The following CREB5 variants were observed in gnomAD, a reference collection of about 807,000 sequenced individuals.
CREB5 encodes cAMP responsive element binding protein 5, also known as cyclic AMP-responsive element-binding protein 5.
A neutral mutation model predicts 57.1 loss-of-function variants in CREB5; 19 were observed. The ratio of observed to expected loss-of-function variants is 0.33; its 90% CI spans 0.23 to 0.49. CREB5 has a LOEUF of 0.49. CREB5 is among the 20% of genes least tolerant of loss of function. The probability of loss-of-function intolerance (pLI) is 0.99; values close to 1 mark genes in which losing one functional copy is unlikely to be tolerated. For synonymous variants in CREB5, 238 were observed against 238.3 expected, an observed-to-expected ratio of 1.00 and a Z score of 0.01; for missense variants, 579 against 671.6, an observed-to-expected ratio of 0.86 and a Z score of 1.52.
At chr7:28,391,975 A>G (rs1328632516) in intron 1 of CREB5, among the ~76,000 whole-genome samples, 1 of 152,138 alleles carries the variant, frequency 6.6e-6, no homozygotes, top group African/African-American at 2.4e-5. Context: ...CTTTGCAGGG[A>G]CATGGATGGA....
intron 4 of CREB5, among the ~76,000 whole-genome samples, chr7:28,546,431 G>T (rs1448517885): frequency 1.3e-5 from 2 of 152,138 alleles, no homozygotes; most frequent in African/African-American, 2.4e-5. Context: ...TGGGTCATGT[G>T]GTAACTCTAT....
chr7:28,555,577 C>T (rs908946016), intron 4 of CREB5, among the ~76,000 whole-genome samples: 2 of 152,044 alleles, frequency 1.3e-5, no homozygotes, highest in Admixed American at 1.3e-4. Flanking sequence ...ATCTGAAAAA[C>T]GTATTTCTTT....
chr7:28,705,467 A>G (rs1802063627), intron 5 of CREB5, among the ~76,000 whole-genome samples: 1 of 152,078 alleles, frequency 6.6e-6, no homozygotes, highest in Admixed American at 6.6e-5. Flanking sequence ...AGCAAGCATA[A>G]TGTTTTGCAT....
intron 1 of CREB5, among the ~76,000 whole-genome samples, chr7:28,358,994 C>T (rs936513863): frequency 6.6e-6 from 1 of 152,064 alleles, no homozygotes; most frequent in Non-Finnish European, 1.5e-5. Context: ...TTTCTTCTTT[C>T]TGACTTTTTA....
intron 6 of CREB5, among the ~76,000 whole-genome samples, chr7:28,719,529 G>A (rs769209504): frequency 6.6e-6 from 1 of 152,136 alleles, no homozygotes; most frequent in Non-Finnish European, 1.5e-5. Context: ...TGGTTCTAGA[G>A]CCCACTCTCT....
chr7:28,525,759 G>C (rs942213828), intron 4 of CREB5, among the ~76,000 whole-genome samples: 1 of 152,158 alleles, frequency 6.6e-6, no homozygotes, highest in Non-Finnish European at 1.5e-5. Flanking sequence ...GTGTGTATGT[G>C]TGTGTGTCTG....
At chr7:28,482,939 C>T (rs1431941647) in intron 1 of CREB5, among the ~76,000 whole-genome samples, 1 of 152,172 alleles carries the variant, frequency 6.6e-6, no homozygotes, top group East Asian at 1.9e-4. Flanking sequence ...CTGTATGAGT[C>T]CATCTGCTGT....
At chr7:28,736,320 C>A (rs1474993013) in intron 7 of CREB5, among the ~76,000 whole-genome samples, 1 of 152,088 alleles carries the variant, frequency 6.6e-6, no homozygotes, top group African/African-American at 2.4e-5. Context: ...CAGGCATGCA[C>A]CACCACGCCC....
intron 5 of CREB5, among the ~76,000 whole-genome samples, chr7:28,679,487 G>C (rs1401866638): frequency 3.3e-5 from 5 of 152,138 alleles, no homozygotes; most frequent in African/African-American, 1.2e-4. Context: ...GGGTGTAAAA[G>C]GGAGGGGACG....
At position 28,560,911 on chromosome 7, in the gene CREB5, T is replaced by TGTGG. The variant is rs1554344471; in HGVS notation, c.292-9451_292-9450insGGTG. Reference sequence around the variant, plus strand: ...GCGTGTGTGTGCGTGCGCGCGTGCGTGTGCGTGTGTGCGCGTGCGTGTGTG... The same window carrying TGTGG: ...GCGTGTGTGTGCGTGCGCGCGTGCGTGTGGGTGCGTGTGTGCGCGTGCGTGTGTG... On this transcript the variant is annotated intron_variant, in intron 4 of 10. Transcript: ENST00000357727. Among the ~76,000 whole-genome samples, 2 of 36,056 alleles carry TGTGG rather than the reference T, an allele frequency of 5.5e-5. 1 individual carries two copies. 23.7% of individuals were successfully genotyped at this position (36,056 alleles called of 152,430 possible). A position where few individuals can be genotyped will look rare whatever the true frequency, so the allele number is the denominator to read the frequency against.
chr7:28,815,922 T>C (rs986252638), intron 9 of CREB5, among the ~76,000 whole-genome samples: 1 of 152,218 alleles, frequency 6.6e-6, no homozygotes, highest in Admixed American at 6.5e-5. Context: ...CTAAGATCCA[T>C]TGTCTACATT....
At chr7:28,411,912 C>T (rs921247216), upstream of CREB5, among the ~76,000 whole-genome samples, 3 of 151,764 alleles carry the variant, frequency 2.0e-5, no homozygotes, top group South Asian at 2.1e-4. Flanking sequence ...ATATGTGCAT[C>T]GAAAATGTTG....
intron 5 of CREB5, chr7:28,608,926 A>T (rs1050888441): frequency 6.6e-6 from 1 of 152,242 alleles, no homozygotes; most frequent in East Asian, 1.9e-4. Flanking sequence ...AATTGTTGGC[A>T]TAAATATTAA....
At chr7:28,318,784 C>T (rs1010258734) in intron 1 of CREB5, among the ~76,000 whole-genome samples, 3 of 152,166 alleles carry the variant, frequency 2.0e-5, no homozygotes, top group African/African-American at 7.2e-5. Context: ...AATACAGCAT[C>T]CTATGCTGCT....
intron 5 of CREB5, among the ~76,000 whole-genome samples, chr7:28,658,953 G>GTGTGTGTGTATATATATATATA (rs1400561698): frequency 2.0e-5 from 2 of 99,584 alleles, no homozygotes; most frequent in African/African-American, 6.6e-5. Flanking sequence ...GTGTGTGTGT[G>GTGTGTGTGTATATATATATATA]TATATATATA....
chr7:28,688,079 G>A (rs762628672), intron 5 of CREB5, among the ~76,000 whole-genome samples: 2 of 152,170 alleles, frequency 1.3e-5, no homozygotes, highest in Non-Finnish European at 2.9e-5. Flanking sequence ...TTGAAATTCA[G>A]GATGAATTAG....
chr7:28,738,524 A>G (rs1804164193), intron 7 of CREB5, among the ~76,000 whole-genome samples: 1 of 152,204 alleles, frequency 6.6e-6, no homozygotes, highest in Admixed American at 6.5e-5. Flanking sequence ...GTAGACCAGT[A>G]TGGGGTATGT....
chr7:28,743,838 C>CTTTTTTTTTTTT (rs58302393), intron 7 of CREB5, among the ~76,000 whole-genome samples: 25 of 76,008 alleles, frequency 3.3e-4, no homozygotes, highest in East Asian at 4.7e-4. Flanking sequence ...ATCTCCTTTT[C>CTTTTTTTTTTTT]TTTTTTTTTT....
intron 1 of CREB5, among the ~76,000 whole-genome samples, chr7:28,391,988 T>G (rs1038572317): frequency 6.6e-6 from 1 of 152,160 alleles, no homozygotes; most frequent in Non-Finnish European, 1.5e-5. Flanking sequence ...TGGATGGAGC[T>G]GGAGGCCATT....
Sources: gnomAD v4.1 joint callset for allele counts (sites outside exome capture counted in the v4.1 genomes callset) on GRCh38, gnomAD v4.1.1 for gene constraint, MANE v1.5 for transcripts, NCBI Gene and HGNC (gene_info 2026-07-23, HGNC 2026-07-21) for gene names.